PIK3C2G: variants seen among roughly 807,000 people sequenced by gnomAD.
PIK3C2G encodes the protein phosphatidylinositol-4-phosphate 3-kinase catalytic subunit type 2 gamma.
PIK3C2G carries 168 observed loss-of-function variants against 181.1 expected under a neutral mutation model. The ratio of observed to expected loss-of-function variants is 0.93; its 90% CI spans 0.82 to 1.05. PIK3C2G has a LOEUF of 1.05. Ranked by LOEUF, PIK3C2G falls within the 50% of genes least tolerant of loss-of-function variation. PIK3C2G has a pLI of 0.00. For missense variants in PIK3C2G, 1,869 were observed against 1,732.8 expected (o/e 1.08, Z -1.40); for synonymous variants, 573 against 592.2 (o/e 0.97, Z 0.47).
chr12:18,680,452 A>G, the PIK3C2G span, among the ~76,000 whole-genome samples: 1 of 151,986 alleles, frequency 6.6e-6, no homozygotes, highest in Non-Finnish European at 1.5e-5. Context: ...GAGACAGGGC[A>G]ACTTTACTCT....
intron 6 of PIK3C2G, chr12:18,320,109 T>G (rs1565593977): frequency 6.6e-6 from 1 of 152,222 alleles, no homozygotes; most frequent in African/African-American, 2.4e-5. Context: ...TGTCCGAATT[T>G]CTAATAGTCA....
chr12:18,410,369 G>A (rs910869548), intron 16 of PIK3C2G, among the ~76,000 whole-genome samples: 5 of 152,020 alleles, frequency 3.3e-5, no homozygotes, highest in African/African-American at 1.2e-4. Context: ...GCCAGGCATG[G>A]TGGCACAGGC....
intron 24 of PIK3C2G, among the ~76,000 whole-genome samples, chr12:18,510,603 G>A (rs575579986): frequency 2.8e-4 from 43 of 152,208 alleles, no homozygotes; most frequent in South Asian, 1.0e-3. Context: ...CTTGCATTAA[G>A]TGTTTTTTGT....
At chr12:18,387,540 C>T (rs1270062161) in intron 14 of PIK3C2G, among the ~76,000 whole-genome samples, 7 of 152,170 alleles carry the variant, frequency 4.6e-5, no homozygotes, top group African/African-American at 9.7e-5. Flanking sequence ...CTTCACCCTC[C>T]ACTGTCCACC....
At chr12:18,344,602 C>T (rs1375590368) in intron 10 of PIK3C2G, among the ~76,000 whole-genome samples, 1 of 152,024 alleles carries the variant, frequency 6.6e-6, no homozygotes, top group Non-Finnish European at 1.5e-5. Context: ...GTAATGAGGT[C>T]TCCTCCCCCA....
intron 15 of PIK3C2G, among the ~76,000 whole-genome samples, chr12:18,398,675 G>A (rs2138113135): frequency 6.6e-6 from 1 of 152,228 alleles, no homozygotes; most frequent in Non-Finnish European, 1.5e-5. Flanking sequence ...CAAGGCCCTA[G>A]TCCTAGATTT....
chr12:18,287,023 A>G (rs1289731081), intron 3 of PIK3C2G, 94 bp downstream of exon 3: 1 of 499,982 alleles, frequency 2.0e-6, no homozygotes, highest in African/African-American at 2.0e-5. Context: ...TTGCATATAA[A>G]AGTCAAAGTC....
chr12:18,458,854 A>G (rs1000466707), intron 18 of PIK3C2G, among the ~76,000 whole-genome samples: 1 of 128,976 alleles, frequency 7.8e-6, no homozygotes, highest in Non-Finnish European at 1.7e-5. Context: ...CAGCCAGTTT[A>G]AAAAAAAAAA....
chr12:18,699,667 A>T, the PIK3C2G span: 110 of 1,040,076 alleles, frequency 1.1e-4, 1 homozygote, highest in Middle Eastern at 3.2e-3. Context: ...CCCATTCTAA[A>T]TTATGTTAAA....
intron 32 of PIK3C2G, among the ~76,000 whole-genome samples, chr12:18,644,898 C>G (rs1950036172): frequency 6.6e-6 from 1 of 152,186 alleles, no homozygotes; most frequent in African/African-American, 2.4e-5. Flanking sequence ...TTATTGTCCT[C>G]TCATTTCAAT....
chr12:18,248,351 T>A (rs1429082339), intron 1 of PIK3C2G, among the ~76,000 whole-genome samples: 1 of 152,026 alleles, frequency 6.6e-6, no homozygotes, highest in African/African-American at 2.4e-5. Context: ...GGCGGGCAGA[T>A]CACGAGGTCA....
At chr12:18,381,222 T>C (rs1328156598) in intron 13 of PIK3C2G, among the ~76,000 whole-genome samples, 4 of 152,234 alleles carry the variant, frequency 2.6e-5, no homozygotes, top group Non-Finnish European at 5.9e-5. Flanking sequence ...AATCTTTCTA[T>C]TTATGCATAA....
Position 18,500,637 on chromosome 12 carries a change from T to G in PIK3C2G, c.3017-2644T>G, listed in dbSNP as rs1447104209. Among the ~76,000 whole-genome samples the G allele has an allele frequency of 2.0e-5, 3 of 152,094 alleles. No homozygotes were observed. The East Asian group carries it at 5.8e-4, about 30-fold the overall frequency. ...TCTGGTAGGGACGTGAACCTTTACC[T>G]CTACCTCAGGGATTGTAAATGCACC... On this transcript the variant is annotated intron_variant, in intron 22 of 32. Transcript: ENST00000538779.
chr12:18,359,931 T>A (rs11044048), intron 11 of PIK3C2G, among the ~76,000 whole-genome samples: 22,172 of 152,094 alleles, frequency 0.15, 2,081 homozygotes, highest in Admixed American at 0.27. Flanking sequence ...AAATGGATAA[T>A]GTCTTTTGAT....
chr12:18,630,616 C>T (rs1949309831), intron 31 of PIK3C2G, among the ~76,000 whole-genome samples: 1 of 151,982 alleles, frequency 6.6e-6, no homozygotes, highest in South Asian at 2.1e-4. Flanking sequence ...CATAGACCTT[C>T]CCTTTAAATA....
chr12:18,397,516 T>C (rs1006146558), intron 15 of PIK3C2G, among the ~76,000 whole-genome samples: 3 of 151,908 alleles, frequency 2.0e-5, no homozygotes, highest in East Asian at 1.9e-4. Flanking sequence ...TATAAGAAGA[T>C]AGTATATGAA....
intron 29 of PIK3C2G, among the ~76,000 whole-genome samples, chr12:18,582,578 G>A (rs12304791): frequency 0.052 from 7,894 of 152,174 alleles, 677 homozygotes; most frequent in African/African-American, 0.18. Flanking sequence ...CTAAGAAAGG[G>A]GCTGAATCCA....
At chr12:18,351,015 A>C (rs1387691217) in intron 11 of PIK3C2G, among the ~76,000 whole-genome samples, 1 of 152,166 alleles carries the variant, frequency 6.6e-6, no homozygotes, top group Non-Finnish European at 1.5e-5. Context: ...TGGAAATACA[A>C]ATTCTTCTCA....
chr12:18,605,271 T>C (rs558533071), intron 30 of PIK3C2G, among the ~76,000 whole-genome samples: 84 of 152,130 alleles, frequency 5.5e-4, no homozygotes, highest in Non-Finnish European at 1.0e-3. Context: ...ACACACATAA[T>C]CTAGAAAACC....
Sources: allele counts gnomAD v4.1 joint callset (sites outside exome capture counted in the v4.1 genomes callset), GRCh38; gene constraint gnomAD v4.1.1; transcripts MANE v1.5; gene names NCBI Gene and HGNC (gene_info 2026-07-23, HGNC 2026-07-21).